UBXN7: variants seen among roughly 807,000 people sequenced by gnomAD.
UBXN7 encodes the protein UBX domain protein 7.
A neutral mutation model predicts 58.0 loss-of-function variants in UBXN7; 9 were observed. That is an observed-to-expected ratio of 0.16 (90% CI 0.09 to 0.27). UBXN7 has a LOEUF of 0.27. Among genes scored for constraint, UBXN7 ranks in the 10% least tolerant of loss-of-function variants. The probability of loss-of-function intolerance (pLI) is 1.00; values close to 1 mark genes in which losing one functional copy is unlikely to be tolerated. For missense variants in UBXN7, 328 were observed against 599.6 expected (o/e 0.55, Z 4.73); for synonymous variants, 208 against 205.0 (o/e 1.01, Z -0.12).
rs115411263 is a variant in UBXN7 at position 196,426,020 on chromosome 3, G to A, written c.73+6307C>T. Among the ~76,000 whole-genome samples, 201 of 152,172 alleles carry A rather than the reference G, an allele frequency of 1.3e-3. 2 individuals are homozygous for A. The highest frequency in any genetic ancestry group is 4.6e-3 in the African/African-American group (190 of 41,516). On this transcript the variant is annotated intron_variant, in intron 1 of 10. Coordinates refer to ENST00000296328, the MANE Select transcript of UBXN7 (RefSeq NM_015562.2). ...TTAAGATGTGAACCATGCCTGGCACGTAGCAGTCTACCAATAAATGAATCT... is the reference window on the plus strand; with the variant it reads ...TTAAGATGTGAACCATGCCTGGCACATAGCAGTCTACCAATAAATGAATCT...
At chr3:196,430,851 G>A (rs1731008390) in intron 1 of UBXN7, among the ~76,000 whole-genome samples, 1 of 152,050 alleles carries the variant, frequency 6.6e-6, no homozygotes, top group Admixed American at 6.6e-5. Flanking sequence ...TCAGACATTA[G>A]GAAATCCTTT....
intron 7 of UBXN7, 76 bp downstream of exon 7, chr3:196,369,345 A>T (rs1728755141): frequency 1.7e-6 from 2 of 1,182,326 alleles, no homozygotes; most frequent in Non-Finnish European, 2.5e-6. Context: ...GATCCAGTCA[A>T]ATATTAAAGA....
chr3:196,415,458 T>C (rs1024113754), intron 1 of UBXN7, among the ~76,000 whole-genome samples: 1 of 146,160 alleles, frequency 6.8e-6, no homozygotes, highest in African/African-American at 2.5e-5. Flanking sequence ...AGCCATATTA[T>C]CATACTTCTT....
intron 5 of UBXN7, among the ~76,000 whole-genome samples, chr3:196,386,380 T>TAAAAAAAAAAAAAA (rs34268326): frequency 2.8e-4 from 16 of 57,716 alleles, no homozygotes; most frequent in Non-Finnish European, 4.1e-4. Context: ...TAATAAACAC[T>TAAAAAAAAAAAAAA]AAAAAAAAAA....
In UBXN7 at chr3:196,356,826, C is replaced by T. The variant is rs1260946441; in HGVS notation, c.1329G>A (p.Gln443=). Residue 443 remains glutamine (Q), a synonymous_variant, in exon 11 of 11, where the codon CAG becomes CAA. Transcript: ENST00000296328. The part of the protein sequence containing the change: ...AKLLALVKHV[Q]SKGYPNERFE... ...AACGTTCATTTGGGTATCCTTTAGACTGCACGTGCTTCACCAAAGCCTATA... is the reference window on the plus strand; with the variant it reads ...AACGTTCATTTGGGTATCCTTTAGATTGCACGTGCTTCACCAAAGCCTATA... 1.2e-6 allele frequency: 2 copies of T among 1,608,580 alleles called. No homozygotes were observed. Among genetic ancestry groups the T allele is most frequent in the Non-Finnish European group, 8.5e-7 (1 of 1,178,832 alleles).
At chr3:196,366,216 TAAAAC>T (rs1257964264) in intron 8 of UBXN7, among the ~76,000 whole-genome samples, 3 of 152,164 alleles carry the variant, frequency 2.0e-5, no homozygotes, top group African/African-American at 7.2e-5. Context: ...TCACATCTTC[TAAAAC>T]TATTTTTAGG....
chr3:196,391,110 C>T lies in UBXN7; in HGVS notation c.468+703G>A, dbSNP rs781512644. On this transcript the variant is annotated intron_variant, in intron 5 of 10. Coordinates refer to ENST00000296328, the MANE Select transcript of UBXN7 (RefSeq NM_015562.2). ...TATTCTTTTCAAACACATTACGATC[C>T]GCACAGAAATATAGACAAAAGACAC... 6.6e-5 allele frequency among the ~76,000 whole-genome samples: 10 copies of T among 152,088 alleles called. No individual in the cohort carries two copies. The East Asian group carries it at 7.7e-4, about 12-fold the overall frequency.
In UBXN7 at chr3:196,349,219, A is replaced by G. The variant is rs917581825; in HGVS notation, c.*7466T>C. 3.3e-5 allele frequency: 5 copies of G among 152,110 alleles called. No homozygotes were observed. The highest frequency in any genetic ancestry group is 3.3e-4 in the Admixed American group (5 of 15,262). 9.4% of individuals were successfully genotyped at this position (152,110 alleles called of 1,614,324 possible). A position where few individuals can be genotyped will look rare whatever the true frequency, so the allele number is the denominator to read the frequency against. On this transcript the variant is annotated 3_prime_UTR_variant, in exon 11 of 11. Coordinates refer to ENST00000296328, the MANE Select transcript of UBXN7 (RefSeq NM_015562.2). ...TTCAACAGCCTTTCCAGCTGAAGGG[A>G]CGAACCCAGGAAAGTAACAAGGCCC...
chr3:196,377,508 A>G (rs1299938134), intron 5 of UBXN7, among the ~76,000 whole-genome samples: 4 of 152,212 alleles, frequency 2.6e-5, no homozygotes, highest in African/African-American at 9.6e-5. Context: ...CTGGCTTTCA[A>G]TTTGGCTGTA....
intron 1 of UBXN7, among the ~76,000 whole-genome samples, chr3:196,409,894 C>T (rs1404710331): frequency 6.6e-6 from 1 of 151,504 alleles, no homozygotes; most frequent in Non-Finnish European, 1.5e-5. Context: ...TTTCTGCATT[C>T]TTCATTTTTA....
intron 5 of UBXN7, among the ~76,000 whole-genome samples, chr3:196,385,204 G>A (rs1392130984): frequency 2.6e-5 from 4 of 152,226 alleles, no homozygotes; most frequent in Non-Finnish European, 5.9e-5. Flanking sequence ...GGGTTTCGCC[G>A]TGTTGGCCGG....
At chr3:196,411,813 AAAAC>A (rs1168762835) in intron 1 of UBXN7, among the ~76,000 whole-genome samples, 4 of 152,234 alleles carry the variant, frequency 2.6e-5, no homozygotes, top group Non-Finnish European at 5.9e-5. Flanking sequence ...TTCGTCTCAA[AAAAC>A]AAACAAACTA....
chr3:196,420,347 G>A lies in UBXN7; in HGVS notation c.73+11980C>T, dbSNP rs186442711. Among the ~76,000 whole-genome samples, 33 of 151,950 alleles carry A rather than the reference G, an allele frequency of 2.2e-4. No individual in the cohort carries two copies. The East Asian group carries it at 6.0e-3, about 28-fold the overall frequency. On this transcript the variant is annotated intron_variant, in intron 1 of 10. Coordinates refer to ENST00000296328, the MANE Select transcript of UBXN7 (RefSeq NM_015562.2). ...CAGAAGTTTGAGACCAGCTAACACC[G>A]CGAAACCCCGTCTCTACTGTAAGTA...
At chr3:196,431,968 A>G (rs141512433) in intron 1 of UBXN7, 284 of 449,308 alleles carry the variant, frequency 6.3e-4, no homozygotes, top group Middle Eastern at 1.8e-3. Flanking sequence ...GAAGATGATG[A>G]AGGAGGAGGA....
intron 5 of UBXN7, among the ~76,000 whole-genome samples, chr3:196,388,776 A>C (rs150931478): frequency 1.5e-3 from 221 of 152,288 alleles, no homozygotes; most frequent in African/African-American, 5.2e-3. Flanking sequence ...TTATCTTTCT[A>C]AACTTCAATG....
rs75527268 is a variant in UBXN7 at position 196,355,616 on chromosome 3, T to C, written c.*1069A>G. On this transcript the variant is annotated 3_prime_UTR_variant, in exon 11 of 11. Transcript: ENST00000296328. ...AGTCACCAGAGCCTTTTAGAGACTA[T>C]TCCAACCAGGGGCAAAAAATGAACC... is the stretch of plus-strand genomic sequence containing the variant. 2.0e-5 allele frequency: 3 copies of C among 152,324 alleles called. No homozygotes were observed. The East Asian group carries it at 5.8e-4, about 29-fold the overall frequency. The allele number at this position is 152,324 out of a possible 1,614,324, so 9.4% of individuals were successfully genotyped here.
intron 7 of UBXN7, among the ~76,000 whole-genome samples, chr3:196,368,374 A>T (rs1728727353): frequency 6.6e-6 from 1 of 152,208 alleles, no homozygotes; most frequent in Non-Finnish European, 1.5e-5. Flanking sequence ...ATATGCATAG[A>T]TTAAAAACCA....
intron 1 of UBXN7, among the ~76,000 whole-genome samples, chr3:196,424,930 G>C (rs1411988503): frequency 6.6e-6 from 1 of 151,962 alleles, no homozygotes; most frequent in Admixed American, 6.6e-5. Flanking sequence ...TCAAACTCCT[G>C]ACCTCAGGTG....
Position 196,362,396 on chromosome 3 carries a change from C to T in UBXN7, c.1126G>A (p.Gly376Arg), listed in dbSNP as rs1301509810. The T allele has an allele frequency of 6.2e-7, 1 of 1,614,184 alleles. No homozygotes were observed. Among genetic ancestry groups the T allele is most frequent in the African/African-American group, 1.3e-5 (1 of 75,048 alleles). Residue 376 changes from glycine to arginine, a missense_variant, in exon 9 of 11, where the codon GGA (glycine) becomes AGA (arginine). Around this residue, in one of 4 missense-constraint regions of UBXN7, gnomAD observed 66 missense variants for 77.9 expected, o/e 0.85. Coordinates refer to ENST00000296328, the MANE Select transcript of UBXN7 (RefSeq NM_015562.2). ...AATCCTTGGTGGTTTGTGGCTGTTCCAGGATCAGTTCTGACTGGTGGCTCA... is the reference window on the plus strand; with the variant it reads ...AATCCTTGGTGGTTTGTGGCTGTTCTAGGATCAGTTCTGACTGGTGGCTCA... ...LTEPPVRTDP[G>R]TATNHQGLPA...
Sources: allele counts gnomAD v4.1 joint callset (sites outside exome capture counted in the v4.1 genomes callset), GRCh38; gene constraint gnomAD v4.1.1; regional missense constraint gnomAD v4.1.1; transcripts MANE v1.5; gene names NCBI Gene and HGNC (gene_info 2026-07-23, HGNC 2026-07-21).